Variants in ZCCHC2 observed in about 807,000 individuals in gnomAD.
ZCCHC2 encodes zinc finger CCHC domain-containing protein 2.
ZCCHC2 carries 39 observed loss-of-function variants against 103.6 expected under a neutral mutation model. That is an observed-to-expected ratio of 0.38 (90% CI 0.29 to 0.49). ZCCHC2 has a LOEUF of 0.49. ZCCHC2 is among the 20% of genes least tolerant of loss of function. ZCCHC2 has a pLI of 0.96. For synonymous variants in ZCCHC2, 687 were observed against 608.9 expected (o/e 1.13, Z -1.89); for missense variants, 1,483 against 1,491.0 (o/e 0.99, Z 0.09).
chr18:62,566,846 T>G (rs1358922270), intron 11 of ZCCHC2, among the ~76,000 whole-genome samples: 1 of 152,234 alleles, frequency 6.6e-6, no homozygotes, highest in Admixed American at 6.5e-5. Flanking sequence ...GAAGAGCATT[T>G]TCCTAGTTCC....
chr18:62,535,379 G>A (rs1914875859), intron 1 of ZCCHC2, among the ~76,000 whole-genome samples: 1 of 152,192 alleles, frequency 6.6e-6, no homozygotes. Context: ...AGTGCTGAAG[G>A]AGGAGACCTA....
chr18:62,524,189 C>G lies in ZCCHC2; in HGVS notation c.765C>G (p.Ala255=). The change falls in exon 1 of 14, where the codon GCC becomes GCG. Residue 255 remains alanine (A), a synonymous_variant. Transcript: ENST00000269499. ...PRVGGGLGSR[A]QEELLLLFTM... Reference sequence around the variant, plus strand: ...TCGGCGGCGGGCTTGGCTCCAGGGCCCAGGAGGAACTGCTGCTGCTCTTCA... The same window carrying G: ...TCGGCGGCGGGCTTGGCTCCAGGGCGCAGGAGGAACTGCTGCTGCTCTTCA... The G allele has an allele frequency of 6.5e-7, 1 of 1,549,534 alleles. No individual in the cohort carries two copies. The highest frequency in any genetic ancestry group is 1.2e-5 in the South Asian group (1 of 84,048).
At chr18:62,576,456 G>C in intron 13 of ZCCHC2, 56 bp from the exon 14 acceptor site, 2 of 1,491,724 alleles carry the variant, frequency 1.3e-6, no homozygotes, top group Non-Finnish European at 1.9e-6. Flanking sequence ...GTACGTAGTG[G>C]TTTGTGATGA....
intron 11 of ZCCHC2, among the ~76,000 whole-genome samples, chr18:62,567,748 C>T (rs1348343587): frequency 6.6e-6 from 1 of 151,904 alleles, no homozygotes; most frequent in Non-Finnish European, 1.5e-5. Flanking sequence ...AATTTGAGAC[C>T]AGCCTGGCCA....
intron 7 of ZCCHC2, 59 bp downstream of exon 7, chr18:62,558,829 A>G: frequency 8.7e-7 from 1 of 1,148,912 alleles, no homozygotes; most frequent in South Asian, 1.5e-5. Flanking sequence ...TGGATAGAAC[A>G]TTTAAGGAGT....
Position 62,552,978 on chromosome 18 carries a change from A to G in ZCCHC2, c.1313+2518A>G, listed in dbSNP as rs184044500. Among the ~76,000 whole-genome samples the G allele has an allele frequency of 6.5e-4, 98 of 151,642 alleles. 1 individual carries two copies. Among genetic ancestry groups the G allele is most frequent in the Admixed American group, 4.8e-3 (73 of 15,242 alleles). On this transcript the variant is annotated intron_variant, in intron 5 of 13. Transcript: ENST00000269499. ...TTTGATCATACTTGGCCTCTTGTGCATGTCTGTGTCTGTGTGTATTTTAGG... is the reference window on the plus strand; with the variant it reads ...TTTGATCATACTTGGCCTCTTGTGCGTGTCTGTGTCTGTGTGTATTTTAGG...
At chr18:62,539,555 A>C (rs749196021) in intron 1 of ZCCHC2, 126 bp from the exon 2 acceptor site, 1 of 645,138 alleles carries the variant, frequency 1.6e-6, no homozygotes, top group Non-Finnish European at 2.7e-6. Flanking sequence ...CATAGTGTGC[A>C]GTCACCTATT....
intron 5 of ZCCHC2, chr18:62,552,124 T>TA (rs1915691331): frequency 6.6e-6 from 1 of 152,244 alleles, no homozygotes; most frequent in African/African-American, 2.4e-5. Context: ...TGTGCACGGT[T>TA]ACCCAGCTGC....
chr18:62,559,117 T>C (rs1248006603), intron 7 of ZCCHC2, among the ~76,000 whole-genome samples: 1 of 152,214 alleles, frequency 6.6e-6, no homozygotes, highest in East Asian at 1.9e-4. Context: ...TTTTCAATGT[T>C]AATTTGGGAG....
chr18:62,550,606 T>A, intron 5 of ZCCHC2, 146 bp downstream of exon 5: 1 of 615,182 alleles, frequency 1.6e-6, no homozygotes, highest in Non-Finnish European at 2.8e-6. Context: ...GCTATTTAGG[T>A]CTAGGCTCAT....
In ZCCHC2 at chr18:62,527,648, A is replaced by C. The variant is rs973100947; in HGVS notation, c.939+3285A>C. 2.0e-5 allele frequency among the ~76,000 whole-genome samples: 3 copies of C among 152,170 alleles called. No homozygotes were observed. In the South Asian group the frequency reaches 6.2e-4, roughly 32 times the overall value. ...CGGTGGACTGCCAGTAACTTGTACA[A>C]AATTCAGCAAAGAGGCCAGGGAGCA... On this transcript the variant is annotated intron_variant, in intron 1 of 13. Coordinates refer to ENST00000269499, the MANE Select transcript of ZCCHC2 (RefSeq NM_017742.6).
At chr18:62,526,948 CGCTGGGCCGT>C (rs1914442903) in intron 1 of ZCCHC2, 1 of 139,394 alleles carries the variant, frequency 7.2e-6, no homozygotes, top group Non-Finnish European at 1.5e-5. Context: ...GTGGATGCTG[CGCTGGGCCGT>C]ACTGGGCCGT....
rs1341997913 is a variant in ZCCHC2 at position 62,524,136 on chromosome 18, C to T, written c.712C>T (p.Pro238Ser). ...EQDAEKDGSG[P>S]EGGIVEPRVG... ...GGACGCCGAGAAGGACGGCTCAGGCCCGGAAGGCGGCATTGTGGAGCCCCG... is the reference window on the plus strand; with the variant it reads ...GGACGCCGAGAAGGACGGCTCAGGCTCGGAAGGCGGCATTGTGGAGCCCCG... The change falls in exon 1 of 14, where the codon CCG becomes TCG. Residue 238 changes from proline (P) to serine (S), a missense_variant. By Grantham distance (74) the Pro-to-Ser change is moderately conservative. This residue lies in a region of ZCCHC2 where 568 missense variants were observed against 525.1 expected (regional missense o/e 1.08). Coordinates refer to ENST00000269499, the MANE Select transcript of ZCCHC2 (RefSeq NM_017742.6). 8 of 1,542,340 alleles carry T rather than the reference C, an allele frequency of 5.2e-6. No homozygotes were observed. Among genetic ancestry groups the T allele is most frequent in the Non-Finnish European group, 7.0e-6 (8 of 1,145,458 alleles).
intron 12 of ZCCHC2, among the ~76,000 whole-genome samples, chr18:62,571,232 G>A (rs1916589396): frequency 6.6e-6 from 1 of 152,160 alleles, no homozygotes; most frequent in African/African-American, 2.4e-5. Flanking sequence ...GTGACAGTTT[G>A]GTGGTGGGGC....
At chr18:62,548,833 G>A (rs1915531810) in intron 4 of ZCCHC2, among the ~76,000 whole-genome samples, 1 of 152,166 alleles carries the variant, frequency 6.6e-6, no homozygotes, top group African/African-American at 2.4e-5. Context: ...GCCAAGGCAG[G>A]AGAATCCCTT....
In ZCCHC2 at chr18:62,575,489, T is replaced by A; in HGVS notation, c.3408T>A (p.Cys1136Ter). The A allele has an allele frequency of 6.2e-7, 1 of 1,613,998 alleles. No homozygotes were observed. Among genetic ancestry groups the A allele is most frequent in the Non-Finnish European group, 8.5e-7 (1 of 1,179,894 alleles). The change falls in exon 13 of 14, where the codon TGT becomes TGA. Residue 1136 changes from cysteine (C) to a stop codon, truncating the protein, a stop_gained. Coordinates refer to ENST00000269499, the MANE Select transcript of ZCCHC2 (RefSeq NM_017742.6). LOFTEE classifies it high-confidence loss of function. ...ATGGGAATGTCTCATGTTACAATTG[T>A]GGTGTAAGCGGACACTATGCACAGG... The part of the protein sequence containing the change: ...KKNGNVSCYN[C>*]GVSGHYAQDC...
At chr18:62,550,670 A>G (rs1915626199) in intron 5 of ZCCHC2, among the ~76,000 whole-genome samples, 1 of 152,254 alleles carries the variant, frequency 6.6e-6, no homozygotes, top group Non-Finnish European at 1.5e-5. Context: ...CTCTGATATC[A>G]TAAAATTTAG....
intron 11 of ZCCHC2, among the ~76,000 whole-genome samples, chr18:62,569,394 G>A (rs1172832534): frequency 6.6e-6 from 1 of 151,942 alleles, no homozygotes; most frequent in African/African-American, 2.4e-5. Flanking sequence ...CTTATTTGGG[G>A]ATTTATACAC....
At chr18:62,550,849 C>G (rs950082133) in intron 5 of ZCCHC2, among the ~76,000 whole-genome samples, 5 of 152,182 alleles carry the variant, frequency 3.3e-5, no homozygotes, top group Non-Finnish European at 7.3e-5. Flanking sequence ...GCCCTGCTTT[C>G]CAGCACCTGC....
Sources: gnomAD v4.1 joint callset for allele counts (sites outside exome capture counted in the v4.1 genomes callset) on GRCh38, gnomAD v4.1.1 for gene constraint, gnomAD v4.1.1 regional missense constraint, MANE v1.5 for transcripts, NCBI Gene and HGNC (gene_info 2026-07-23, HGNC 2026-07-21) for gene names.